ADAMTS6: variants seen among roughly 807,000 people sequenced by gnomAD.
ADAMTS6 encodes the protein ADAM metallopeptidase with thrombospondin type 1 motif 6, also known as A disintegrin and metalloproteinase with thrombospondin motifs 6.
Under a neutral mutation model 144.3 loss-of-function variants are expected in ADAMTS6, and 23 were observed. The ratio of observed to expected loss-of-function variants is 0.16; its 90% CI spans 0.11 to 0.23. ADAMTS6 has a LOEUF of 0.23. ADAMTS6 is among the 10% of genes least tolerant of loss of function. ADAMTS6 has a pLI of 1.00. For synonymous variants in ADAMTS6, 444 were observed against 457.5 expected (o/e 0.97, Z 0.38); for missense variants, 999 against 1,379.6 (o/e 0.72, Z 4.37).
chr5:65,355,035 T>A (rs1186734286), intron 7 of ADAMTS6, among the ~76,000 whole-genome samples: 1 of 151,826 alleles, frequency 6.6e-6, no homozygotes, highest in African/African-American at 2.4e-5. Context: ...ATTCTTTTAG[T>A]CTCGTGAGTC....
intron 7 of ADAMTS6, among the ~76,000 whole-genome samples, chr5:65,434,188 C>T (rs1468163423): frequency 6.6e-6 from 1 of 152,042 alleles, no homozygotes; most frequent in African/African-American, 2.4e-5. Flanking sequence ...ATGAAATGTC[C>T]AGAATTTCAG....
At chr5:65,416,886 G>A (rs766942843) in intron 7 of ADAMTS6, among the ~76,000 whole-genome samples, 7 of 151,846 alleles carry the variant, frequency 4.6e-5, no homozygotes, top group Non-Finnish European at 4.4e-5. Flanking sequence ...TACAAAGCCA[G>A]CATCACTGTA....
chr5:65,173,348 G>A (rs998283553), intron 22 of ADAMTS6, among the ~76,000 whole-genome samples: 1 of 152,106 alleles, frequency 6.6e-6, no homozygotes. Context: ...GGAAACCTTC[G>A]TTTCCTACTT....
intron 9 of ADAMTS6, among the ~76,000 whole-genome samples, chr5:65,309,179 T>G (rs1744236481): frequency 6.6e-6 from 1 of 152,022 alleles, no homozygotes; most frequent in Non-Finnish European, 1.5e-5. Flanking sequence ...TGCACTTTAT[T>G]TCTATTATTA....
At chr5:65,311,258 A>G (rs1744470367) in intron 9 of ADAMTS6, among the ~76,000 whole-genome samples, 1 of 152,222 alleles carries the variant, frequency 6.6e-6, no homozygotes, top group East Asian at 1.9e-4. Flanking sequence ...AAAATATATA[A>G]TACTATATAA....
intron 7 of ADAMTS6, among the ~76,000 whole-genome samples, chr5:65,402,803 T>G (rs1033249264): frequency 6.6e-6 from 1 of 152,102 alleles, no homozygotes; most frequent in Non-Finnish European, 1.5e-5. Context: ...CTAGCTTTAA[T>G]AATTCTCACT....
intron 20 of ADAMTS6, among the ~76,000 whole-genome samples, chr5:65,211,983 C>T (rs1435585974): frequency 3.9e-5 from 6 of 152,106 alleles, no homozygotes; most frequent in African/African-American, 7.2e-5. Flanking sequence ...ACGGATTCCA[C>T]GTGTCTAGAG....
At chr5:65,221,134 C>T (rs1005157308) in intron 18 of ADAMTS6, among the ~76,000 whole-genome samples, 1 of 152,082 alleles carries the variant, frequency 6.6e-6, no homozygotes, top group Non-Finnish European at 1.5e-5. Context: ...AGGAACACTT[C>T]TAAAGCCATT....
intron 22 of ADAMTS6, among the ~76,000 whole-genome samples, chr5:65,175,220 G>A (rs1005315690): frequency 7.9e-5 from 12 of 151,672 alleles, no homozygotes; most frequent in Non-Finnish European, 1.8e-4. Flanking sequence ...AAGGGGCAAA[G>A]AGAGAGAGAG....
intron 22 of ADAMTS6, among the ~76,000 whole-genome samples, chr5:65,186,555 A>G (rs1466151083): frequency 5.9e-5 from 9 of 152,210 alleles, no homozygotes; most frequent in Admixed American, 5.9e-4. Context: ...ATGAATATTT[A>G]TGGATTTCTA....
At chr5:65,197,231 G>T (rs1388278391) in intron 20 of ADAMTS6, 80 bp from the exon 21 acceptor site, 2 of 1,456,410 alleles carry the variant, frequency 1.4e-6, no homozygotes, top group Admixed American at 1.9e-5. Context: ...TCCTCTGTGG[G>T]GAATTGACCT....
At chr5:65,334,144 A>G (rs1747074436) in intron 7 of ADAMTS6, 59 bp from the exon 8 acceptor site, 1 of 1,467,078 alleles carries the variant, frequency 6.8e-7, no homozygotes, top group South Asian at 1.3e-5. Flanking sequence ...ATATTTTTCT[A>G]TATTCATCAT....
chr5:65,426,258 C>T (rs1304142528), intron 7 of ADAMTS6, among the ~76,000 whole-genome samples: 1 of 146,888 alleles, frequency 6.8e-6, no homozygotes, highest in Non-Finnish European at 1.5e-5. Flanking sequence ...AGGATTTTGC[C>T]ATGTTGGCCA....
intron 9 of ADAMTS6, among the ~76,000 whole-genome samples, chr5:65,300,391 G>A (rs984121458): frequency 3.9e-5 from 6 of 152,056 alleles, no homozygotes; most frequent in African/African-American, 1.4e-4. Context: ...ATTTCTCTTT[G>A]AGCCGAATAT....
intron 7 of ADAMTS6, among the ~76,000 whole-genome samples, chr5:65,350,604 A>G (rs1173400447): frequency 6.6e-6 from 1 of 151,902 alleles, no homozygotes. Flanking sequence ...ACCACATTAT[A>G]TTGTGAGCTA....
At chr5:65,163,548 G>T (rs1157052628) in intron 24 of ADAMTS6, among the ~76,000 whole-genome samples, 2 of 152,120 alleles carry the variant, frequency 1.3e-5, no homozygotes, top group South Asian at 2.1e-4. Context: ...AAATTCCCAA[G>T]AAAACACTTT....
intron 4 of ADAMTS6, among the ~76,000 whole-genome samples, chr5:65,453,515 T>C (rs1167223918): frequency 2.6e-5 from 4 of 152,222 alleles, no homozygotes; most frequent in African/African-American, 7.2e-5. Flanking sequence ...AATATTTCTT[T>C]TCCAAAGCCT....
chr5:65,353,401 T>A (rs1749039309), intron 7 of ADAMTS6, among the ~76,000 whole-genome samples: 2 of 152,010 alleles, frequency 1.3e-5, no homozygotes, highest in African/African-American at 4.8e-5. Context: ...AACTCAGTAA[T>A]TTTGAAAACA....
intron 18 of ADAMTS6, among the ~76,000 whole-genome samples, chr5:65,221,508 A>G (rs1757321698): frequency 6.6e-6 from 1 of 152,180 alleles, no homozygotes; most frequent in African/African-American, 2.4e-5. Context: ...TCATTACATA[A>G]ATCTTCTAGC....
Sources: gnomAD v4.1 joint callset for allele counts (sites outside exome capture counted in the v4.1 genomes callset) on GRCh38, gnomAD v4.1.1 for gene constraint, MANE v1.5 for transcripts, NCBI Gene and HGNC (gene_info 2026-07-23, HGNC 2026-07-21) for gene names.